FARS2: variants seen among roughly 807,000 people sequenced by gnomAD.
FARS2 encodes phenylalanine--tRNA ligase, mitochondrial.
FARS2 carries 40 observed loss-of-function variants against 46.4 expected under a neutral mutation model. The observed-to-expected ratio is 0.86, with a 90% confidence interval of 0.67 to 1.12. FARS2 has a LOEUF of 1.12. FARS2 is among the 50% of genes most tolerant of loss of function. FARS2 has a pLI of 0.00. For synonymous variants in FARS2, 234 were observed against 214.9 expected (o/e 1.09, Z -0.78); for missense variants, 513 against 567.9 (o/e 0.90, Z 0.98).
chr6:5,715,556 A>G (rs776206541), intron 6 of FARS2, among the ~76,000 whole-genome samples: 7 of 152,152 alleles, frequency 4.6e-5, no homozygotes, highest in East Asian at 3.9e-4. Flanking sequence ...GGACATTTGT[A>G]TATAAGGAAT....
At chr6:5,351,862 A>G (rs967050393) in intron 1 of FARS2, among the ~76,000 whole-genome samples, 5 of 152,322 alleles carry the variant, frequency 3.3e-5, no homozygotes, top group African/African-American at 9.6e-5. Flanking sequence ...TGGACAGTCA[A>G]GTTGTTTCTA....
At chr6:5,253,343 T>C in the FARS2 span, among the ~76,000 whole-genome samples, 4 of 152,220 alleles carry the variant, frequency 2.6e-5, no homozygotes, top group Admixed American at 1.3e-4. Flanking sequence ...AGTTTTTGCA[T>C]TGCTGGAATT....
chr6:5,634,727 G>A (rs1776459812), intron 6 of FARS2, among the ~76,000 whole-genome samples: 4 of 152,228 alleles, frequency 2.6e-5, no homozygotes, highest in Admixed American at 1.3e-4. Context: ...TCATTTCAGA[G>A]CAGAGTAGCC....
intron 1 of FARS2, among the ~76,000 whole-genome samples, chr6:5,274,285 C>T (rs1766174305): frequency 6.6e-6 from 1 of 152,170 alleles, no homozygotes; most frequent in African/African-American, 2.4e-5. Context: ...TGCCTAGTTC[C>T]TGGAAATGAA....
intron 5 of FARS2, among the ~76,000 whole-genome samples, chr6:5,594,885 A>T (rs1582534707): frequency 2.0e-5 from 3 of 152,202 alleles, no homozygotes; most frequent in African/African-American, 7.2e-5. Flanking sequence ...GCCAGTGTAT[A>T]GGAGCCGTGT....
rs559250227 is a variant in FARS2 at position 5,690,931 on chromosome 6, G to A, written c.1217+77611G>A. On this transcript the variant is annotated intron_variant, in intron 6 of 6. Coordinates refer to ENST00000274680, the MANE Select transcript of FARS2 (RefSeq NM_006567.5). ...CTTTTTTCTCTAAACTTCTCTTCTC[G>A]CTTCATTTCGTTCATTTGATCTTCC... 1.3e-4 allele frequency among the ~76,000 whole-genome samples: 20 copies of A among 151,978 alleles called. No individual in the cohort carries two copies. In the South Asian group the frequency reaches 1.5e-3, roughly 11 times the overall value.
At chr6:5,444,095 G>GTA (rs1180880057) in intron 4 of FARS2, among the ~76,000 whole-genome samples, 9 of 144,908 alleles carry the variant, frequency 6.2e-5, no homozygotes, top group Non-Finnish European at 1.2e-4. Flanking sequence ...AGATCCTCGT[G>GTA]TGTGTGTGTG....
At chr6:5,504,636 G>T (rs985251896) in intron 4 of FARS2, among the ~76,000 whole-genome samples, 1 of 152,018 alleles carries the variant, frequency 6.6e-6, no homozygotes, top group Non-Finnish European at 1.5e-5. Flanking sequence ...CACCAAGCTC[G>T]TATCAAACAC....
At chr6:5,554,910 T>A (rs1318462969) in intron 5 of FARS2, among the ~76,000 whole-genome samples, 2 of 152,166 alleles carry the variant, frequency 1.3e-5, no homozygotes, top group Non-Finnish European at 2.9e-5. Context: ...ACTTGGTCCC[T>A]GACTTAAAGT....
chr6:5,251,164 G>A, the FARS2 span, among the ~76,000 whole-genome samples: 15 of 152,180 alleles, frequency 9.9e-5, no homozygotes, highest in South Asian at 2.9e-3. Flanking sequence ...GTTCTAGTGT[G>A]GTAATATATA....
At chr6:5,564,471 C>T (rs574100666) in intron 5 of FARS2, among the ~76,000 whole-genome samples, 1 of 152,086 alleles carries the variant, frequency 6.6e-6, no homozygotes, top group Non-Finnish European at 1.5e-5. Flanking sequence ...TTCACAGGAT[C>T]AAGCAGAGTT....
intron 4 of FARS2, among the ~76,000 whole-genome samples, chr6:5,510,768 C>G (rs1338121352): frequency 6.6e-6 from 1 of 152,168 alleles, no homozygotes; most frequent in African/African-American, 2.4e-5. Context: ...ACCCACCCCC[C>G]TCTTGTCCTC....
At chr6:5,553,782 G>A (rs991167565) in intron 5 of FARS2, among the ~76,000 whole-genome samples, 2 of 152,064 alleles carry the variant, frequency 1.3e-5, no homozygotes, top group Admixed American at 1.3e-4. Context: ...CAGTGGGTCT[G>A]GGGGGGTGCC....
At position 5,412,995 on chromosome 6, in the gene FARS2, C is replaced by T. The variant is rs548171005; in HGVS notation, c.772+8294C>T. Among the ~76,000 whole-genome samples the T allele has an allele frequency of 3.9e-5, 6 of 152,268 alleles. No homozygotes were observed. In the South Asian group the frequency reaches 6.2e-4, roughly 16 times the overall value. On this transcript the variant is annotated intron_variant, in intron 3 of 6. Coordinates refer to ENST00000274680, the MANE Select transcript of FARS2 (RefSeq NM_006567.5). Reference sequence around the variant, plus strand: ...ATTAACTGTGAAAAGTGAAGTGCCTCGCTTTAAGCCAGTGGAGGGACTCAG... The same window carrying T: ...ATTAACTGTGAAAAGTGAAGTGCCTTGCTTTAAGCCAGTGGAGGGACTCAG...
At chr6:5,567,465 C>T (rs1772387398) in intron 5 of FARS2, among the ~76,000 whole-genome samples, 1 of 152,130 alleles carries the variant, frequency 6.6e-6, no homozygotes, top group Non-Finnish European at 1.5e-5. Flanking sequence ...CATTGTTAAG[C>T]ATGATGGTTG....
chr6:5,502,444 C>T (rs1204589211), intron 4 of FARS2, among the ~76,000 whole-genome samples: 5 of 152,144 alleles, frequency 3.3e-5, no homozygotes, highest in African/African-American at 1.2e-4. Context: ...CAATTACTCT[C>T]TCCCCAAAAG....
chr6:5,648,918 G>A (rs1366617090), intron 6 of FARS2, among the ~76,000 whole-genome samples: 4 of 152,150 alleles, frequency 2.6e-5, no homozygotes, highest in Non-Finnish European at 5.9e-5. Flanking sequence ...CTTAGTAGGC[G>A]CTCAGTAAAT....
At chr6:5,617,485 C>T (rs368010927) in intron 6 of FARS2, among the ~76,000 whole-genome samples, 5 of 152,210 alleles carry the variant, frequency 3.3e-5, no homozygotes, top group South Asian at 2.1e-4. Flanking sequence ...CCCCTGCCCC[C>T]GTCCTTCTGC....
chr6:5,260,915 C>A, upstream of FARS2: 1 of 1,368,880 alleles, frequency 7.3e-7, no homozygotes, highest in Non-Finnish European at 9.4e-7. Context: ...CGCCAGGCGT[C>A]CCGCGCCGCT....
Sources: gnomAD v4.1 joint callset for allele counts (sites outside exome capture counted in the v4.1 genomes callset) on GRCh38, gnomAD v4.1.1 for gene constraint, MANE v1.5 for transcripts, NCBI Gene and HGNC (gene_info 2026-07-23, HGNC 2026-07-21) for gene names.